STARD10: variants seen among roughly 807,000 people sequenced by gnomAD.
STARD10 encodes StAR related lipid transfer domain containing 10.
STARD10 carries 24 observed loss-of-function variants against 36.0 expected under a neutral mutation model. The ratio of observed to expected loss-of-function variants is 0.67; its 90% confidence interval spans 0.48 to 0.94. STARD10 has a LOEUF of 0.94. Ranked by LOEUF, STARD10 falls within the 40% of genes least tolerant of loss-of-function variation. The pLI is 0.00. For synonymous variants in STARD10, 156 were observed against 161.9 expected, an observed-to-expected ratio of 0.96 and a Z score of 0.28; for missense variants, 335 against 396.6, an observed-to-expected ratio of 0.84 and a Z score of 1.32.
intron 2 of STARD10, among the ~76,000 whole-genome samples, chr11:72,761,917 C>CTTTTCTTTTTTTT (rs1555023007): frequency 3.5e-4 from 13 of 37,484 alleles, no homozygotes; most frequent in African/African-American, 9.8e-4. Context: ...CTTTTCTTTT[C>CTTTTCTTTTTTTT]TTTTTTTTTT....
At chr11:72,784,553 A>T (rs1168036636) in intron 1 of STARD10, among the ~76,000 whole-genome samples, 1 of 152,192 alleles carries the variant, frequency 6.6e-6, no homozygotes, top group Non-Finnish European at 1.5e-5. Flanking sequence ...TTCCAACAAA[A>T]AGTGTTAAGG....
At chr11:72,760,819 AT>A (rs35049596) in intron 2 of STARD10, among the ~76,000 whole-genome samples, 18,771 of 145,620 alleles carry the variant, frequency 0.13, 1,370 homozygotes, top group South Asian at 0.2. Flanking sequence ...TTGTTCTGTG[AT>A]TTTTTTTTTT....
In STARD10 at chr11:72,759,311, T is replaced by G; in HGVS notation, c.278A>C (p.Lys93Thr). The change falls in exon 3 of 7, where the codon AAG becomes ACG. Residue 93 changes from lysine (K) to threonine (T), a missense_variant. Lys to Thr is a moderately conservative substitution (Grantham distance 78). Transcript: ENST00000334805. Reference protein sequence around the residue: ...YDVLHDIEYRKKWDSNVIETF... With the variant: ...YDVLHDIEYRTKWDSNVIETF... ...CTCAATGACGTTGCTGTCCCATTTC[T>G]TGCGGTACTCAATGTCGTGTAGGAC... 1 of 1,614,162 alleles carries G rather than the reference T, an allele frequency of 6.2e-7. No individual in the cohort carries two copies. The highest frequency in any genetic ancestry group is 8.5e-7 in the Non-Finnish European group (1 of 1,180,032).
Position 72,754,793 on chromosome 11 carries a change from C to A in STARD10, c.*104G>T. 6.7e-7 allele frequency: 1 copy of A among 1,498,078 alleles called. No homozygotes were observed. Among genetic ancestry groups the A allele is most frequent in the South Asian group, 1.2e-5 (1 of 81,788 alleles). 92.8% of individuals were successfully genotyped at this position (1,498,078 alleles called of 1,614,324 possible). ...GGCTGCAGCACCCGCCTGGGCCTGG[C>A]CCGGTGCCACCAGGTGCCGGGTGGG... On this transcript the variant is annotated 3_prime_UTR_variant, in exon 7 of 7. Coordinates refer to ENST00000334805, the MANE Select transcript of STARD10 (RefSeq NM_006645.3).
rs766269445 is a variant in STARD10 at position 72,781,227 on chromosome 11, C to T, written c.-46G>A. On this transcript the variant is annotated 5_prime_UTR_variant, in exon 2 of 7. Transcript: ENST00000334805. This position sits in a 1 kb window ranked among gnomAD's most constrained non-coding sequence, Gnocchi z 4.7. ...GGGCCCTGGTCCTAGTCCGGCTCTC[C>T]TGGGTCCTCCGCGGAGGCTCCGACA... 1 of 1,557,304 alleles carries T rather than the reference C, an allele frequency of 6.4e-7. No homozygotes were observed.
At chr11:72,791,291 T>C (rs891896575) in intron 1 of STARD10, among the ~76,000 whole-genome samples, 1 of 152,070 alleles carries the variant, frequency 6.6e-6, no homozygotes, top group African/African-American at 2.4e-5. Flanking sequence ...AGGTAGTCCT[T>C]CTCGGAGTAT....
At position 72,754,857 on chromosome 11, in the gene STARD10, C is replaced by A. The variant is rs752860855; in HGVS notation, c.*40G>T. ...TGCAGGAGCGGCCGCCGCCCCAGGGCTCGCCCGGTCCTGTCTCCGTCCCTG... is the reference window on the plus strand; with the variant it reads ...TGCAGGAGCGGCCGCCGCCCCAGGGATCGCCCGGTCCTGTCTCCGTCCCTG... On this transcript the variant is annotated 3_prime_UTR_variant, in exon 7 of 7. Transcript: ENST00000334805. The A allele has an allele frequency of 6.4e-7, 1 of 1,572,300 alleles. No homozygotes were observed. Among genetic ancestry groups the A allele is most frequent in the Non-Finnish European group, 8.6e-7 (1 of 1,167,672 alleles).
At chr11:72,767,392 G>A (rs1038663737) in intron 2 of STARD10, among the ~76,000 whole-genome samples, 8 of 151,996 alleles carry the variant, frequency 5.3e-5, no homozygotes, top group East Asian at 1.9e-4. Context: ...AGGAAGCATC[G>A]CCCCCATTTT....
At chr11:72,786,838 G>C (rs917538552) in intron 1 of STARD10, among the ~76,000 whole-genome samples, 7 of 152,150 alleles carry the variant, frequency 4.6e-5, no homozygotes, top group Non-Finnish European at 1.0e-4. Context: ...CCAGTGCTTT[G>C]AGATGCTAAG....
chr11:72,757,977 A>G, intron 4 of STARD10, 93 bp from the exon 5 acceptor site: 5 of 1,053,552 alleles, frequency 4.7e-6, no homozygotes, highest in African/African-American at 1.6e-5. Context: ...GCACACACAC[A>G]TACAGTTAAT....
At chr11:72,780,222 C>A (rs1481115530) in intron 2 of STARD10, 1 of 427,728 alleles carries the variant, frequency 2.3e-6, no homozygotes, top group South Asian at 1.6e-5. Context: ...GGGTCCCAAA[C>A]CCCAAGCCTG....
chr11:72,758,038 A>G (rs1378622810), intron 4 of STARD10, 154 bp from the exon 5 acceptor site: 1 of 735,876 alleles, frequency 1.4e-6, no homozygotes, highest in African/African-American at 1.7e-5. Context: ...GGGTGCAGAG[A>G]AAGGGAAGAA....
chr11:72,774,870 A>AC (rs1247452732), intron 2 of STARD10, among the ~76,000 whole-genome samples: 1 of 152,070 alleles, frequency 6.6e-6, no homozygotes, highest in Non-Finnish European at 1.5e-5. Context: ...AAGAAAGAAA[A>AC]CCCATCTGTC....
chr11:72,772,192 G>A (rs935279700), intron 2 of STARD10, among the ~76,000 whole-genome samples: 11 of 151,386 alleles, frequency 7.3e-5, no homozygotes, highest in Admixed American at 7.2e-4. Flanking sequence ...TAGGGGGCAT[G>A]GTTCTCCCTG....
chr11:72,759,970 G>A (rs972408888), intron 2 of STARD10, among the ~76,000 whole-genome samples: 1 of 151,988 alleles, frequency 6.6e-6, no homozygotes, highest in South Asian at 2.1e-4. Flanking sequence ...GAGTGCAGTG[G>A]CGCGATCTTG....
chr11:72,765,122 C>T (rs191951244), intron 2 of STARD10, among the ~76,000 whole-genome samples: 1 of 152,204 alleles, frequency 6.6e-6, no homozygotes, highest in Non-Finnish European at 1.5e-5. Flanking sequence ...ACAAAATTAG[C>T]CGGGGTGGTG....
intron 1 of STARD10, among the ~76,000 whole-genome samples, chr11:72,791,886 T>C (rs1399576495): frequency 6.6e-6 from 1 of 151,802 alleles, no homozygotes; most frequent in Non-Finnish European, 1.5e-5. Flanking sequence ...TGTTTTGTTT[T>C]GTTTTGAGAC....
chr11:72,758,480 C>T, intron 4 of STARD10, 50 bp downstream of exon 4: 1 of 1,508,750 alleles, frequency 6.6e-7, no homozygotes, highest in Non-Finnish European at 9.2e-7. Flanking sequence ...CAGCCTTGCG[C>T]TGCCTGACCC....
chr11:72,759,323 AT>A lies in STARD10; in HGVS notation c.265del (p.Ile89LeufsTer20), dbSNP rs1565239113. 1 of 1,614,168 alleles carries A rather than the reference AT, an allele frequency of 6.2e-7. No homozygotes were observed. On this transcript the variant is annotated frameshift_variant, in exon 3 of 7. Transcript: ENST00000334805. LOFTEE classifies it high-confidence loss of function. ...AETLYDVLHD[I>X]EYRKKWDSNV... The stretch of plus-strand genomic sequence containing the variant: ...GCTGTCCCATTTCTTGCGGTACTCA[AT>A]GTCGTGTAGGACGTCGTAGAGTGTC...
Sources: gnomAD v4.1 joint callset for allele counts (sites outside exome capture counted in the v4.1 genomes callset) on GRCh38, gnomAD v4.1.1 for gene constraint, Gnocchi (gnomAD v3.1) non-coding constraint, MANE v1.5 for transcripts, NCBI Gene and HGNC (gene_info 2026-07-23, HGNC 2026-07-21) for gene names.